Variants in DRC11 observed in about 807,000 individuals in gnomAD.
DRC11 encodes the protein dynein regulatory complex subunit 11.
the DRC11 span, among the ~76,000 whole-genome samples, chr2:236,336,859 T>C: frequency 6.6e-6 from 1 of 152,222 alleles, no homozygotes; most frequent in African/African-American, 2.4e-5. The surrounding 1 kb of genome is among the most constrained non-coding windows in gnomAD (Gnocchi z 7.3). Context: ...CCCTCGAATC[T>C]GGGCTGGCCC....
the DRC11 span, among the ~76,000 whole-genome samples, chr2:236,493,103 T>G: frequency 6.6e-6 from 1 of 152,138 alleles, no homozygotes; most frequent in Non-Finnish European, 1.5e-5. Context: ...GGCCTCACAA[T>G]CATGGCAGAA....
chr2:236,484,919 C>T, the DRC11 span, among the ~76,000 whole-genome samples: 2 of 152,198 alleles, frequency 1.3e-5, no homozygotes, highest in Non-Finnish European at 1.5e-5. Context: ...AGGGTTCTTC[C>T]TGCCTTATTT....
chr2:236,501,039 C>T, the DRC11 span, among the ~76,000 whole-genome samples: 15 of 152,130 alleles, frequency 9.9e-5, no homozygotes, highest in African/African-American at 3.6e-4. Context: ...AATTGGCTCA[C>T]GGTTCCACAG....
At chr2:236,408,116 C>G in the DRC11 span, 6 of 652,762 alleles carry the variant, frequency 9.2e-6, no homozygotes, top group Non-Finnish European at 1.7e-5. The surrounding 1 kb of genome is among the most constrained non-coding windows in gnomAD (Gnocchi z 5.5). Flanking sequence ...GGGACAAAGC[C>G]ACCCAGAGAG....
the DRC11 span, among the ~76,000 whole-genome samples, chr2:236,444,744 C>A: frequency 6.6e-6 from 1 of 152,226 alleles, no homozygotes; most frequent in African/African-American, 2.4e-5. Flanking sequence ...GGTGGGATCA[C>A]TCACTTATTC....
At chr2:236,493,241 C>T in the DRC11 span, among the ~76,000 whole-genome samples, 1 of 152,134 alleles carries the variant, frequency 6.6e-6, no homozygotes, top group Non-Finnish European at 1.5e-5. Context: ...GACCCACCTC[C>T]ATGATTCAAT....
At chr2:236,478,800 C>T in the DRC11 span, among the ~76,000 whole-genome samples, 14 of 138,736 alleles carry the variant, frequency 1.0e-4, no homozygotes, top group Admixed American at 1.0e-3. The surrounding 1 kb of genome is among the most constrained non-coding windows in gnomAD (Gnocchi z 5.9). Context: ...TTTTTGGGTT[C>T]TTTTTTTTTT....
At chr2:236,357,148 T>G in the DRC11 span, among the ~76,000 whole-genome samples, 177 of 123,804 alleles carry the variant, frequency 1.4e-3, 2 homozygotes, top group East Asian at 0.035. Context: ...TATATCTATA[T>G]ATTATGTATT....
At chr2:236,477,966 T>G in the DRC11 span, among the ~76,000 whole-genome samples, 2 of 152,036 alleles carry the variant, frequency 1.3e-5, no homozygotes, top group Non-Finnish European at 2.9e-5. Flanking sequence ...CTGTTAATTT[T>G]GTTATCTTTT....
At chr2:236,385,071 G>C in the DRC11 span, among the ~76,000 whole-genome samples, 2 of 151,844 alleles carry the variant, frequency 1.3e-5, no homozygotes, top group African/African-American at 4.8e-5. Context: ...TAGCCTTGTA[G>C]TATAGTTTGA....
the DRC11 span, among the ~76,000 whole-genome samples, chr2:236,315,250 GCTTTGGGTCAAT>G: frequency 6.6e-6 from 1 of 152,216 alleles, no homozygotes. The surrounding 1 kb of genome is among the most constrained non-coding windows in gnomAD (Gnocchi z 5.1). Flanking sequence ...TGGTGCTGGA[GCTTTGGGTCAAT>G]CACATATTCA....
chr2:236,372,453 T>C, the DRC11 span, among the ~76,000 whole-genome samples: 1 of 152,224 alleles, frequency 6.6e-6, no homozygotes, highest in African/African-American at 2.4e-5. The surrounding 1 kb of genome is among the most constrained non-coding windows in gnomAD (Gnocchi z 4.5). Flanking sequence ...GAACAGTTTT[T>C]GTATTTTATT....
chr2:236,324,659 T>G, the DRC11 span: 1 of 1,306,962 alleles, frequency 7.7e-7, no homozygotes, highest in African/African-American at 1.5e-5. This position sits in a 1 kb window ranked among gnomAD's most constrained non-coding sequence, Gnocchi z 5.7. Flanking sequence ...AAGGCATTAC[T>G]TTTTCTTTTT....
the DRC11 span, among the ~76,000 whole-genome samples, chr2:236,349,929 C>G: frequency 6.6e-6 from 1 of 152,232 alleles, no homozygotes; most frequent in South Asian, 2.1e-4. This position sits in a 1 kb window ranked among gnomAD's most constrained non-coding sequence, Gnocchi z 5.5. Context: ...GCTGACTGCA[C>G]TCGTGGCTGC....
the DRC11 span, chr2:236,487,010 G>A: frequency 1.3e-6 from 1 of 747,502 alleles, no homozygotes; most frequent in South Asian, 1.7e-5. Flanking sequence ...CTAATCCTAA[G>A]CTCTAGGCTG....
At chr2:236,382,827 G>A in the DRC11 span, among the ~76,000 whole-genome samples, 1 of 152,100 alleles carries the variant, frequency 6.6e-6, no homozygotes, top group Non-Finnish European at 1.5e-5. Flanking sequence ...TTTGGAGTTT[G>A]TAGATTCCTT....
At chr2:236,380,538 C>T in the DRC11 span, 21 of 1,523,120 alleles carry the variant, frequency 1.4e-5, no homozygotes, top group African/African-American at 4.1e-5. This position sits in a 1 kb window ranked among gnomAD's most constrained non-coding sequence, Gnocchi z 4.9. Flanking sequence ...GCTGCTCACG[C>T]GCATCACAAC....
At chr2:236,322,885 G>C in the DRC11 span, among the ~76,000 whole-genome samples, 1 of 152,208 alleles carries the variant, frequency 6.6e-6, no homozygotes, top group Non-Finnish European at 1.5e-5. Flanking sequence ...TGGTAGCTTA[G>C]TGTGACTATG....
At chr2:236,322,103 C>T in the DRC11 span, among the ~76,000 whole-genome samples, 7 of 150,622 alleles carry the variant, frequency 4.6e-5, no homozygotes, top group African/African-American at 1.7e-4. Flanking sequence ...TGCCCTAAAC[C>T]TTTAAATACT....
Sources: gnomAD v4.1 joint callset for allele counts (sites outside exome capture counted in the v4.1 genomes callset) on GRCh38, gnomAD v4.1.1 for gene constraint, Gnocchi (gnomAD v3.1) non-coding constraint, MANE v1.5 for transcripts, NCBI Gene and HGNC (gene_info 2026-07-23, HGNC 2026-07-21) for gene names.